Variants in RNF122 observed in about 807,000 individuals in gnomAD.
RNF122 encodes ring finger protein 122.
RNF122 carries 17 observed loss-of-function variants against 24.2 expected under a neutral mutation model. That is an observed-to-expected ratio of 0.70 (90% CI 0.48 to 1.06). The LOEUF is 1.06. RNF122 is among the 50% of genes least tolerant of loss of function. The pLI is 0.00. For synonymous variants in RNF122, 65 were observed against 71.8 expected (o/e 0.91, Z 0.48); for missense variants, 168 against 198.1 (o/e 0.85, Z 0.91).
intron 2 of RNF122, among the ~76,000 whole-genome samples, chr8:33,556,295 T>C (rs1477235692): frequency 6.6e-6 from 1 of 152,024 alleles, no homozygotes; most frequent in Non-Finnish European, 1.5e-5. Flanking sequence ...CTCTAAGTCA[T>C]TTTTGTAGAG....
intron 1 of RNF122, 86 bp downstream of exon 1, chr8:33,566,613 A>G (rs1196958016): frequency 1.4e-6 from 2 of 1,385,544 alleles, no homozygotes; most frequent in African/African-American, 2.9e-5. Flanking sequence ...CCGAGGGAGG[A>G]CCAGCGCGCT....
Position 33,549,135 on chromosome 8 carries a change from C to T in RNF122, c.354-268G>A, listed in dbSNP as rs367983255. ...ACTTGGGAGGCTGAGGCAGGAGAAT[C>T]GCTTGAACCTGGGAGGCAGAGGTTG... On this transcript the variant is annotated intron_variant, in intron 5 of 5. Coordinates refer to ENST00000256257, the MANE Select transcript of RNF122 (RefSeq NM_024787.3). Among the ~76,000 whole-genome samples, 19 of 151,028 alleles carry T rather than the reference C, an allele frequency of 1.3e-4. No individual in the cohort carries two copies. The South Asian group carries it at 4.0e-3, about 31-fold the overall frequency.
intron 2 of RNF122, 66 bp from the exon 3 acceptor site, chr8:33,551,455 G>A: frequency 6.4e-7 from 1 of 1,558,060 alleles, no homozygotes; most frequent in Non-Finnish European, 8.8e-7. Context: ...AGGAGAGGCT[G>A]GCTGGCTGCT....
intron 5 of RNF122, 80 bp downstream of exon 5, chr8:33,549,330 T>G (rs1162888075): frequency 8.9e-7 from 1 of 1,118,726 alleles, no homozygotes; most frequent in Non-Finnish European, 1.4e-6. Flanking sequence ...AAATAGAAAG[T>G]GGCAGAGACT....
In RNF122 at chr8:33,558,762, C is replaced by A; in HGVS notation, c.35G>T (p.Cys12Phe). The A allele has an allele frequency of 6.4e-7, 1 of 1,567,310 alleles. No homozygotes were observed. The highest frequency in any genetic ancestry group is 8.7e-7 in the Non-Finnish European group (1 of 1,155,448). ...GTTGGTGCTAACCAGTCCCAGGCCA[C>A]AGAAACACCCTGCAAAGGGAGAGAA... is the stretch of plus-strand genomic sequence containing the variant. ...HPFQWCNGCF[C>F]GLGLVSTNKS... is the part of the protein sequence containing the mutation. The change falls in exon 2 of 6, where the codon TGT becomes TTT. Residue 12 changes from cysteine (C) to phenylalanine (F), a missense_variant. Cys to Phe is a radical substitution (Grantham distance 205). Coordinates refer to ENST00000256257, the MANE Select transcript of RNF122 (RefSeq NM_024787.3).
chr8:33,549,787 T>C (rs1810343167), intron 4 of RNF122, among the ~76,000 whole-genome samples: 1 of 152,198 alleles, frequency 6.6e-6, no homozygotes, highest in Non-Finnish European at 1.5e-5. Context: ...ATATAGAACA[T>C]TCCTATTATC....
chr8:33,552,501 G>GA (rs1358172630), intron 2 of RNF122, among the ~76,000 whole-genome samples: 1 of 152,204 alleles, frequency 6.6e-6, no homozygotes, highest in African/African-American at 2.4e-5. Flanking sequence ...GTCTAGATTT[G>GA]AATCAAAGTT....
intron 1 of RNF122, among the ~76,000 whole-genome samples, chr8:33,563,532 A>C (rs1484830124): frequency 6.6e-6 from 1 of 152,356 alleles, no homozygotes; most frequent in South Asian, 2.1e-4. Flanking sequence ...TCTAGGCTCT[A>C]GTAGGGGTTA....
rs1329036690 is a variant in RNF122 at position 33,551,139 on chromosome 8, G to C, written c.229-54C>G. On this transcript the variant is annotated intron_variant, in intron 3 of 5. Coordinates refer to ENST00000256257, the MANE Select transcript of RNF122 (RefSeq NM_024787.3). Reference sequence around the variant, plus strand: ...AAAGAAGAACCAACCACTGGGGCCAGCCAGGTAGTATCAACCAATGAAGGG... The same window carrying C: ...AAAGAAGAACCAACCACTGGGGCCACCCAGGTAGTATCAACCAATGAAGGG... 4 of 1,594,386 alleles carry C rather than the reference G, an allele frequency of 2.5e-6. No individual in the cohort carries two copies. The Admixed American group carries it at 5.0e-5, about 20-fold the overall frequency.
chr8:33,564,848 GACA>G (rs1379279747), intron 1 of RNF122, among the ~76,000 whole-genome samples: 2 of 151,844 alleles, frequency 1.3e-5, no homozygotes, highest in South Asian at 2.1e-4. Flanking sequence ...CTCCAGCCTG[GACA>G]ACAAGAGCGA....
chr8:33,548,176 C>G lies in RNF122; in HGVS notation c.*577G>C, dbSNP rs3735948. ...TCTTACTCTGGAGTCAGCTGGCGCC[C>G]GCCAGCCTTTGTTTCCATAGGTCCC... On this transcript the variant is annotated 3_prime_UTR_variant, in exon 6 of 6. Transcript: ENST00000256257. The G allele has an allele frequency of 0.14, 21,475 of 152,462 alleles. 3,182 individuals carry two copies. Among genetic ancestry groups the G allele is most frequent in the African/African-American group, 0.38 (15,521 of 41,376 alleles). The allele number at this position is 152,462 out of a possible 1,614,324, so 9.4% of individuals were successfully genotyped here.
chr8:33,555,572 T>G (rs1458602822), intron 2 of RNF122, among the ~76,000 whole-genome samples: 12 of 152,234 alleles, frequency 7.9e-5, no homozygotes, highest in Non-Finnish European at 2.9e-5. Context: ...CCTGTCCTTC[T>G]GCAAGAACAG....
intron 4 of RNF122, 57 bp from the exon 5 acceptor site, chr8:33,549,549 A>C (rs1810340493): frequency 7.5e-7 from 1 of 1,340,404 alleles, no homozygotes; most frequent in Non-Finnish European, 1.1e-6. Context: ...CACTCATTCA[A>C]CCCCAGACAA....
intron 2 of RNF122, among the ~76,000 whole-genome samples, 184 bp from the exon 3 acceptor site, chr8:33,551,573 C>T (rs1810376297): frequency 6.6e-6 from 1 of 152,160 alleles, no homozygotes; most frequent in Non-Finnish European, 1.5e-5. Context: ...AAGACTGTTA[C>T]TCGGGTTTGA....
chr8:33,565,702 G>T (rs1810612076), intron 1 of RNF122, among the ~76,000 whole-genome samples: 1 of 152,198 alleles, frequency 6.6e-6, no homozygotes. Context: ...ATGGGGCGAG[G>T]GGTTGTCGCG....
chr8:33,564,853 C>A (rs1354255858), intron 1 of RNF122, among the ~76,000 whole-genome samples: 4 of 151,630 alleles, frequency 2.6e-5, no homozygotes, highest in Admixed American at 2.6e-4. Context: ...GCCTGGACAA[C>A]AAGAGCGAAA....
intron 2 of RNF122, among the ~76,000 whole-genome samples, chr8:33,555,592 T>G (rs948737636): frequency 6.6e-6 from 1 of 152,194 alleles, no homozygotes; most frequent in Non-Finnish European, 1.5e-5. Flanking sequence ...GATCCTGACC[T>G]GCAAGGGGGT....
intron 1 of RNF122, among the ~76,000 whole-genome samples, chr8:33,559,989 A>T (rs1810516455): frequency 6.6e-6 from 1 of 151,588 alleles, no homozygotes; most frequent in African/African-American, 2.4e-5. Flanking sequence ...TTATAGGCGC[A>T]CGCCACCATG....
At chr8:33,553,780 A>G (rs1810410889) in intron 2 of RNF122, among the ~76,000 whole-genome samples, 1 of 152,058 alleles carries the variant, frequency 6.6e-6, no homozygotes, top group Admixed American at 6.5e-5. Flanking sequence ...GGCAGATAAG[A>G]TCAGGCTGCC....
Sources: allele counts gnomAD v4.1 joint callset (sites outside exome capture counted in the v4.1 genomes callset), GRCh38; gene constraint gnomAD v4.1.1; transcripts MANE v1.5; gene names NCBI Gene and HGNC (gene_info 2026-07-23, HGNC 2026-07-21).